Variants in ARB2A observed in about 807,000 individuals in gnomAD.
ARB2A encodes cotranscriptional regulator ARB2A.
At chr5:93,619,658 A>G in the ARB2A span, 1 of 152,332 alleles carries the variant, frequency 6.6e-6, no homozygotes, top group Non-Finnish European at 1.5e-5. Flanking sequence ...AGGTAATTAA[A>G]CTTTTCAAGT....
At chr5:94,050,121 G>A in the ARB2A span, among the ~76,000 whole-genome samples, 1 of 151,876 alleles carries the variant, frequency 6.6e-6, no homozygotes, top group South Asian at 2.1e-4. Context: ...TTTATTTTTT[G>A]TAGAGACATG....
At chr5:93,888,080 T>G in the ARB2A span, among the ~76,000 whole-genome samples, 1 of 151,924 alleles carries the variant, frequency 6.6e-6, no homozygotes, top group Non-Finnish European at 1.5e-5. Flanking sequence ...GCTTTGCACT[T>G]ACCCATATTA....
At chr5:93,996,546 T>C in the ARB2A span, among the ~76,000 whole-genome samples, 1 of 152,056 alleles carries the variant, frequency 6.6e-6, no homozygotes. Flanking sequence ...TTTCTTGCAT[T>C]GGCCCCTATA....
At chr5:93,871,001 TA>T in the ARB2A span, among the ~76,000 whole-genome samples, 9 of 152,226 alleles carry the variant, frequency 5.9e-5, no homozygotes, top group Admixed American at 1.3e-4. Flanking sequence ...ATAGACAAAT[TA>T]TGATTATTCG....
chr5:93,679,229 C>T, the ARB2A span, among the ~76,000 whole-genome samples: 7 of 151,536 alleles, frequency 4.6e-5, no homozygotes, highest in Non-Finnish European at 7.4e-5. Flanking sequence ...ACTAAATATG[C>T]ACATATGTAT....
chr5:93,776,359 C>G, the ARB2A span: 2 of 664,268 alleles, frequency 3.0e-6, no homozygotes. Flanking sequence ...AATTTATTTT[C>G]CATACACTTA....
the ARB2A span, among the ~76,000 whole-genome samples, chr5:94,029,381 T>C: frequency 6.6e-6 from 1 of 152,324 alleles, no homozygotes; most frequent in Non-Finnish European, 1.5e-5. Flanking sequence ...TTTAATGACA[T>C]TTATGTTTTG....
chr5:93,664,522 T>C, the ARB2A span, among the ~76,000 whole-genome samples: 1 of 151,434 alleles, frequency 6.6e-6, no homozygotes, highest in Non-Finnish European at 1.5e-5. Context: ...TCCCAGGTAC[T>C]CGGGAAGCTG....
At chr5:94,085,390 G>A in the ARB2A span, among the ~76,000 whole-genome samples, 3 of 152,278 alleles carry the variant, frequency 2.0e-5, no homozygotes, top group East Asian at 3.9e-4. Flanking sequence ...CAGAATATTG[G>A]CAAGTTCTGC....
At chr5:94,081,144 A>C in the ARB2A span, among the ~76,000 whole-genome samples, 2 of 152,346 alleles carry the variant, frequency 1.3e-5, no homozygotes, top group Admixed American at 1.3e-4. Flanking sequence ...TACCTAATGC[A>C]CAATAACTAG....
At chr5:93,634,063 G>A in the ARB2A span, among the ~76,000 whole-genome samples, 2 of 152,032 alleles carry the variant, frequency 1.3e-5, no homozygotes, top group African/African-American at 2.4e-5. Flanking sequence ...GGGCTTGGTC[G>A]CAAATCTACC....
the ARB2A span, among the ~76,000 whole-genome samples, chr5:93,836,142 C>A: frequency 2.0e-5 from 3 of 152,200 alleles, no homozygotes; most frequent in African/African-American, 7.2e-5. Flanking sequence ...ATTCTCCTGC[C>A]TCAGCCTCCC....
the ARB2A span, among the ~76,000 whole-genome samples, chr5:93,937,362 G>A: frequency 6.6e-6 from 1 of 151,354 alleles, no homozygotes; most frequent in Admixed American, 6.6e-5. Context: ...CAGCACTTTG[G>A]GAGGCCAAGG....
chr5:93,911,778 G>A, the ARB2A span, among the ~76,000 whole-genome samples: 3 of 151,668 alleles, frequency 2.0e-5, no homozygotes, highest in Admixed American at 2.0e-4. Context: ...TCAGCTCACT[G>A]TTAACTGTCC....
At chr5:93,726,858 C>T in the ARB2A span, among the ~76,000 whole-genome samples, 2 of 151,912 alleles carry the variant, frequency 1.3e-5, no homozygotes, top group South Asian at 2.1e-4. Context: ...AATTACTATA[C>T]AGTAAATTAT....
the ARB2A span, chr5:93,620,725 C>G: frequency 2.8e-6 from 1 of 353,304 alleles, no homozygotes. Flanking sequence ...AGGCAGGGCG[C>G]TGTCAGCCTT....
At chr5:93,662,598 ACAT>A in the ARB2A span, among the ~76,000 whole-genome samples, 1 of 152,350 alleles carries the variant, frequency 6.6e-6, no homozygotes, top group East Asian at 1.9e-4. Context: ...CTTTAGTAAG[ACAT>A]CAGTTAACCA....
the ARB2A span, among the ~76,000 whole-genome samples, chr5:93,641,070 T>C: frequency 1.4e-4 from 21 of 151,584 alleles, no homozygotes; most frequent in Admixed American, 4.6e-4. Context: ...CATGGTGGTG[T>C]GTGCCTGTAA....
chr5:93,964,509 A>G, the ARB2A span: 153 of 1,579,632 alleles, frequency 9.7e-5, no homozygotes, highest in South Asian at 1.7e-3. Flanking sequence ...GCTCATATAC[A>G]TACTTCGTGA....
Sources: gnomAD v4.1 joint callset for allele counts (sites outside exome capture counted in the v4.1 genomes callset) on GRCh38, gnomAD v4.1.1 for gene constraint, MANE v1.5 for transcripts, NCBI Gene and HGNC (gene_info 2026-07-23, HGNC 2026-07-21) for gene names.